Variants in FHOD3 observed in about 807,000 individuals in gnomAD.
FHOD3 encodes the protein formin homology 2 domain containing 3.
Under a neutral mutation model 173.0 loss-of-function variants are expected in FHOD3, and 90 were observed. That is an observed-to-expected ratio of 0.52 (90% CI 0.44 to 0.62). FHOD3 has a LOEUF of 0.62. Ranked by LOEUF, FHOD3 falls within the 20% of genes least tolerant of loss-of-function variation. The pLI, the probability that FHOD3 is intolerant of heterozygous loss-of-function variation, is 0.00. For missense variants in FHOD3, 1,945 were observed against 2,034.7 expected (o/e 0.96, Z 0.85); for synonymous variants, 828 against 823.0 (o/e 1.01, Z -0.10).
chr18:36,550,482 A>G (rs2057606637), intron 5 of FHOD3, among the ~76,000 whole-genome samples: 1 of 151,900 alleles, frequency 6.6e-6, no homozygotes, highest in Non-Finnish European at 1.5e-5. Flanking sequence ...CTAGGGGGAA[A>G]AAAAGCTTGC....
rs761561531 is a variant in FHOD3, at chr18:36,779,467, C to T, written c.4806C>T (p.Ser1602=). ...NRKSLRRTLK[S]GLTPEEARAL... ...CTGCAGTGCGAAGAACCCTGAAGAG[C>T]GGCCTGACCCCAGAAGAAGCCAGAG... is the stretch of plus-strand genomic sequence containing the variant. The change falls in exon 29 of 29, where the codon AGC becomes AGT. Residue 1602 remains serine, a synonymous_variant. Coordinates refer to ENST00000590592, the MANE Select transcript of FHOD3 (RefSeq NM_001281740.3). 27 of 1,614,016 alleles carry T rather than the reference C, an allele frequency of 1.7e-5. No individual in the cohort carries two copies. Among genetic ancestry groups the T allele is most frequent in the Middle Eastern group, 3.3e-4 (2 of 6,080 alleles).
chr18:36,631,406 C>T (rs2034502557), intron 10 of FHOD3, among the ~76,000 whole-genome samples: 1 of 152,130 alleles, frequency 6.6e-6, no homozygotes. Flanking sequence ...AATAGCAACT[C>T]TTTATGTTTT....
In FHOD3 at chr18:36,402,688, A is replaced by G. The variant is rs2048883093; in HGVS notation, c.337+29944A>G. Among the ~76,000 whole-genome samples, 3 of 152,152 alleles carry G rather than the reference A, an allele frequency of 2.0e-5. No homozygotes were observed. The South Asian group carries it at 6.2e-4, about 31-fold the overall frequency. The stretch of plus-strand genomic sequence containing the variant: ...TCCATTACTGCTTGTTTGATGTGAC[A>G]TTGTGTGATCCGTTTGAGCCTTTCC... On this transcript the variant is annotated intron_variant, in intron 3 of 28. Transcript: ENST00000590592.
At chr18:36,387,388 A>C (rs1369664504) in intron 3 of FHOD3, among the ~76,000 whole-genome samples, 1 of 152,186 alleles carries the variant, frequency 6.6e-6, no homozygotes, top group African/African-American at 2.4e-5. Flanking sequence ...GTTTTCATTA[A>C]TGTGAGCTTT....
chr18:36,769,296 T>C lies in FHOD3; in HGVS notation c.4656T>C (p.Asp1552=), dbSNP rs1439763193. 1 of 1,614,220 alleles carries C rather than the reference T, an allele frequency of 6.2e-7. No homozygotes were observed. Among genetic ancestry groups the C allele is most frequent in the South Asian group, 1.1e-5 (1 of 91,088 alleles). The change falls in exon 28 of 29, where the codon GAT becomes GAC. Residue 1552 remains aspartate (D), a synonymous_variant. Coordinates refer to ENST00000590592, the MANE Select transcript of FHOD3 (RefSeq NM_001281740.3). ...CTAGTTCCTGGACTATGGGAACTGA[T>C]GACTCGCCCAATGTCACAGATGATG... ...GSTSSWTMGT[D]DSPNVTDDAA... is the part of the protein sequence containing the mutation.
intron 14 of FHOD3, among the ~76,000 whole-genome samples, chr18:36,676,380 T>A (rs1379608406): frequency 2.0e-5 from 3 of 152,228 alleles, no homozygotes; most frequent in Non-Finnish European, 4.4e-5. Context: ...TTTTCACAGA[T>A]GTAGAGTATT....
At position 36,730,801 on chromosome 18, in the gene FHOD3, C is replaced by G; in HGVS notation, c.3573C>G (p.Ile1191Met). Residue 1191 changes from isoleucine to methionine, a missense_variant, in exon 20 of 29, where the codon ATC (isoleucine) becomes ATG (methionine). Physicochemically the swap from Ile to Met is conservative, Grantham distance 10. Coordinates refer to ENST00000590592, the MANE Select transcript of FHOD3 (RefSeq NM_001281740.3). The part of the protein sequence containing the change: ...FDEYALNKEG[I>M]EKILTMIPTD... ...AGTATGCCTTAAACAAAGAAGGAAT[C>G]GAGGTGAGGGAAGCTCTATTAAGCA... 6.2e-7 allele frequency: 1 copy of G among 1,613,600 alleles called. No homozygotes were observed. Among genetic ancestry groups the G allele is most frequent in the Non-Finnish European group, 8.5e-7 (1 of 1,179,864 alleles).
chr18:36,495,772 C>T (rs974338647), intron 3 of FHOD3, among the ~76,000 whole-genome samples: 5 of 152,296 alleles, frequency 3.3e-5, no homozygotes, highest in East Asian at 1.9e-4. Context: ...CACATATACA[C>T]GTGGGAGACC....
intron 3 of FHOD3, among the ~76,000 whole-genome samples, chr18:36,495,407 C>G (rs562326914): frequency 1.3e-5 from 2 of 152,134 alleles, no homozygotes; most frequent in Non-Finnish European, 2.9e-5. Context: ...GCTGTACTAC[C>G]CTCACTAACA....
rs375099605 is a variant in FHOD3, at chr18:36,602,758, T to C, written c.803T>C (p.Leu268Ser). 14 of 1,613,832 alleles carry C rather than the reference T, an allele frequency of 8.7e-6. No homozygotes were observed. The African/African-American group carries it at 1.7e-4, about 20-fold the overall frequency. Reference protein sequence around the residue: ...DTELLVYAMTLVNKTLSGLPD... With the variant: ...DTELLVYAMTSVNKTLSGLPD... The stretch of plus-strand genomic sequence containing the variant: ...GAGCTACTGGTTTATGCAATGACTT[T>C]GGTGAACAAGGTTGGTTGACTATGT... The change falls in exon 8 of 29, where the codon TTG (leucine) becomes TCG (serine). Residue 268 changes from leucine (L) to serine (S), a missense_variant. Leu to Ser is a moderately radical substitution (Grantham distance 145). This residue lies in a region of FHOD3 where 1,099 missense variants were observed against 1,051.2 expected (regional missense o/e 1.05). Transcript: ENST00000590592.
chr18:36,576,174 G>A (rs984915971), intron 5 of FHOD3, among the ~76,000 whole-genome samples: 9 of 152,312 alleles, frequency 5.9e-5, no homozygotes, highest in African/African-American at 2.2e-4. Context: ...AGAAAAACAT[G>A]CATTTATACA....
At chr18:36,412,587 G>T (rs2049411924) in intron 3 of FHOD3, among the ~76,000 whole-genome samples, 1 of 152,196 alleles carries the variant, frequency 6.6e-6, no homozygotes, top group African/African-American at 2.4e-5. Flanking sequence ...TTCTGGAGAA[G>T]AGTTGCCCAG....
chr18:36,372,619 A>G, intron 2 of FHOD3, 61 bp from the exon 3 acceptor site: 1 of 1,424,040 alleles, frequency 7.0e-7, no homozygotes, highest in Non-Finnish European at 9.9e-7. Flanking sequence ...GTGGATTGAC[A>G]GCATGTGAGG....
chr18:36,428,108 A>C (rs957277150), intron 3 of FHOD3, among the ~76,000 whole-genome samples: 4 of 152,084 alleles, frequency 2.6e-5, no homozygotes, highest in Admixed American at 1.3e-4. Flanking sequence ...CCTCTTGGTT[A>C]GCCTCTGCCA....
chr18:36,530,730 G>T (rs754642570), intron 5 of FHOD3, among the ~76,000 whole-genome samples: 13 of 152,168 alleles, frequency 8.5e-5, no homozygotes, highest in Non-Finnish European at 1.8e-4. Context: ...ATTTACCTAG[G>T]GGTAGAATTG....
chr18:36,598,298 C>G lies in FHOD3; in HGVS notation c.718+3400C>G, dbSNP rs149042580. On this transcript the variant is annotated intron_variant, in intron 7 of 28. Transcript: ENST00000590592. ...CAGATTTAAGGAATCAGCAATAAAA[C>G]CAACAAATAAACTCCCAGTCCTCAA... is the stretch of plus-strand genomic sequence containing the variant. Among the ~76,000 whole-genome samples, 313 of 152,266 alleles carry G rather than the reference C, an allele frequency of 2.1e-3. 1 individual carries two copies. Among genetic ancestry groups the G allele is most frequent in the African/African-American group, 7.3e-3 (303 of 41,560 alleles).
At chr18:36,714,670 C>T (rs952675572) in intron 18 of FHOD3, among the ~76,000 whole-genome samples, 5 of 152,218 alleles carry the variant, frequency 3.3e-5, no homozygotes, top group African/African-American at 1.2e-4. Context: ...CTGCTGCAGC[C>T]TCCTAGTGGT....
intron 4 of FHOD3, among the ~76,000 whole-genome samples, chr18:36,505,769 T>G (rs946870039): frequency 6.6e-6 from 1 of 152,146 alleles, no homozygotes; most frequent in Non-Finnish European, 1.5e-5. Flanking sequence ...AACATTACTG[T>G]TTGTAGTTAC....
chr18:36,439,120 T>C (rs775045564), intron 3 of FHOD3, among the ~76,000 whole-genome samples: 8 of 152,274 alleles, frequency 5.3e-5, no homozygotes, highest in South Asian at 2.1e-4. Flanking sequence ...AGCATCTTAT[T>C]ACTGAAAGAA....
Sources: gnomAD v4.1 joint callset for allele counts (sites outside exome capture counted in the v4.1 genomes callset) on GRCh38, gnomAD v4.1.1 for gene constraint, gnomAD v4.1.1 regional missense constraint, MANE v1.5 for transcripts, NCBI Gene and HGNC (gene_info 2026-07-23, HGNC 2026-07-21) for gene names.